HDAC9: variants seen among roughly 807,000 people sequenced by gnomAD.
HDAC9 encodes the protein histone deacetylase 9.
HDAC9 carries 41 observed loss-of-function variants against 139.4 expected under a neutral mutation model. That is an observed-to-expected ratio of 0.29 (90% CI 0.23 to 0.38). The LOEUF (loss-of-function observed/expected upper bound fraction) is 0.38. Ranked by LOEUF, HDAC9 falls within the 10% of genes least tolerant of loss-of-function variation. The pLI is 1.00. For missense variants in HDAC9, 1,147 were observed against 1,297.0 expected (o/e 0.88, Z 1.78); for synonymous variants, 517 against 476.2 (o/e 1.09, Z -1.12).
At position 18,414,712 on chromosome 7, in the gene HDAC9, A is replaced by C. The variant is rs574975881; in HGVS notation, c.-41-81550A>C. On this transcript the variant is annotated intron_variant, in intron 1 of 3. Transcript: ENST00000413509. Reference sequence around the variant, plus strand: ...ATCAATGTTTACTTCTAAATACAGAAAAACATTGTAATGGTAGGCACAAAC... The same window carrying C: ...ATCAATGTTTACTTCTAAATACAGACAAACATTGTAATGGTAGGCACAAAC... Among the ~76,000 whole-genome samples, 175 of 152,324 alleles carry C rather than the reference A, an allele frequency of 1.1e-3. 1 individual carries two copies. Among genetic ancestry groups the C allele is most frequent in the African/African-American group, 4.1e-3 (171 of 41,562 alleles).
intron 24 of HDAC9, among the ~76,000 whole-genome samples, chr7:18,975,503 GCTTA>G (rs1303272936): frequency 6.6e-6 from 1 of 152,174 alleles, no homozygotes; most frequent in East Asian, 1.9e-4. Flanking sequence ...CCCGGAGTTT[GCTTA>G]CTTAGTTGCA....
At chr7:18,271,066 T>C (rs534639965) in intron 2 of HDAC9, among the ~76,000 whole-genome samples, 1 of 152,300 alleles carries the variant, frequency 6.6e-6, no homozygotes, top group African/African-American at 2.4e-5. Flanking sequence ...GTAGAAGAAA[T>C]AATTTCTACA....
At chr7:18,518,087 TTTTA>T (rs1563123326) in intron 2 of HDAC9, 2 of 152,338 alleles carry the variant, frequency 1.3e-5, no homozygotes, top group East Asian at 3.9e-4. Flanking sequence ...TAATCACTTA[TTTTA>T]TTTGTTTTAA....
intron 21 of HDAC9, among the ~76,000 whole-genome samples, chr7:18,869,987 A>G (rs576818732): frequency 6.6e-6 from 1 of 151,944 alleles, no homozygotes; most frequent in South Asian, 2.1e-4. Context: ...AATTGCTATA[A>G]TTTTATTTAT....
chr7:18,821,167 T>A (rs1280473920), intron 17 of HDAC9, among the ~76,000 whole-genome samples: 2 of 152,256 alleles, frequency 1.3e-5, no homozygotes, highest in East Asian at 3.8e-4. Flanking sequence ...TATTTTATAA[T>A]GGCCTTATCC....
chr7:18,539,562 A>T (rs917183321), intron 2 of HDAC9, among the ~76,000 whole-genome samples: 1 of 152,256 alleles, frequency 6.6e-6, no homozygotes, highest in Non-Finnish European at 1.5e-5. Context: ...CAAATGTCTT[A>T]TGGTTATCTA....
chr7:18,506,467 A>G (rs1799794102), intron 2 of HDAC9, among the ~76,000 whole-genome samples: 1 of 152,108 alleles, frequency 6.6e-6, no homozygotes, highest in South Asian at 2.1e-4. Context: ...ACACACACAT[A>G]CTGTTTTCTT....
chr7:18,304,725 C>T (rs545599828), intron 1 of HDAC9, among the ~76,000 whole-genome samples: 1 of 152,070 alleles, frequency 6.6e-6, no homozygotes, highest in Non-Finnish European at 1.5e-5. Flanking sequence ...ATTTAAGGTC[C>T]ATACATCACT....
Position 18,971,494 on chromosome 7 carries a change from A to G in HDAC9, c.3023-4312A>G, listed in dbSNP as rs192466764. Among the ~76,000 whole-genome samples, 7 of 152,316 alleles carry G rather than the reference A, an allele frequency of 4.6e-5. No individual in the cohort carries two copies. The East Asian group carries it at 7.7e-4, about 17-fold the overall frequency. ...TGATATTATTCCTATGCCAATAGAT[A>G]TGACTTTCTTGCACATCTGTTTCTG... On this transcript the variant is annotated intron_variant, in intron 24 of 25. Coordinates refer to ENST00000686413, the MANE Select transcript of HDAC9 (RefSeq NM_178425.4).
rs1342903026 is a variant in HDAC9 at position 18,476,368 on chromosome 7, C to T, written c.-41-19894C>T. 2.6e-5 allele frequency among the ~76,000 whole-genome samples: 4 copies of T among 151,902 alleles called. No homozygotes were observed. The East Asian group carries it at 7.7e-4, about 29-fold the overall frequency. Reference sequence around the variant, plus strand: ...GACAATATCCTCATGACTTAATGACCAACAAGTTGTAAGAAACCAGATTAT... The same window carrying T: ...GACAATATCCTCATGACTTAATGACTAACAAGTTGTAAGAAACCAGATTAT... On this transcript the variant is annotated intron_variant, in intron 1 of 3. Transcript: ENST00000413509.
chr7:18,679,054 G>T (rs965390896), intron 12 of HDAC9, among the ~76,000 whole-genome samples: 5 of 151,862 alleles, frequency 3.3e-5, no homozygotes, highest in Non-Finnish European at 5.9e-5. Flanking sequence ...GGAGAGAAAG[G>T]ATTGGATTTA....
intron 17 of HDAC9, among the ~76,000 whole-genome samples, chr7:18,818,731 A>G (rs1029814098): frequency 6.6e-6 from 1 of 152,166 alleles, no homozygotes. Flanking sequence ...TACTCTCATC[A>G]GTGGAGATTT....
At chr7:18,191,573 CTGAAGGGG>C (rs1300074088) in intron 2 of HDAC9, among the ~76,000 whole-genome samples, 2 of 152,138 alleles carry the variant, frequency 1.3e-5, no homozygotes, top group African/African-American at 2.4e-5. Context: ...CAGCTAGTGA[CTGAAGGGG>C]AAGTTAATGG....
In HDAC9 at chr7:18,732,722, C is replaced by CACACGTATGTGTGCGTATGTGT; in HGVS notation, c.1909+4969_1909+4970insGTATGTGTGCGTATGTGTACAC. Among the ~76,000 whole-genome samples the CACACGTATGTGTGCGTATGTGT allele has an allele frequency of 1.6e-3, 163 of 99,712 alleles. 30 individuals carry two copies. Among genetic ancestry groups the CACACGTATGTGTGCGTATGTGT allele is most frequent in the African/African-American group, 6.0e-3 (120 of 20,042 alleles). 65.4% of individuals were successfully genotyped at this position (99,712 alleles called of 152,430 possible). On this transcript the variant is annotated intron_variant, in intron 13 of 25. Transcript: ENST00000686413. ...ACGTGTATGTGTGCGTATGTGTACA[C>CACACGTATGTGTGCGTATGTGT]ACACACACGTGTATGTGTGCGTATG...
chr7:18,530,258 G>C (rs1426726290), intron 2 of HDAC9, among the ~76,000 whole-genome samples: 1 of 152,098 alleles, frequency 6.6e-6, no homozygotes, highest in Non-Finnish European at 1.5e-5. Flanking sequence ...GTGAGATCCT[G>C]TCTTAAAACA....
At chr7:18,904,683 C>G (rs963094696) in intron 22 of HDAC9, among the ~76,000 whole-genome samples, 15 of 149,278 alleles carry the variant, frequency 1.0e-4, no homozygotes, top group Non-Finnish European at 2.1e-4. Context: ...TCACGCCATT[C>G]TCCTGCCTCA....
At chr7:18,369,585 A>C (rs1478712805) in intron 1 of HDAC9, among the ~76,000 whole-genome samples, 2 of 151,976 alleles carry the variant, frequency 1.3e-5, no homozygotes, top group East Asian at 1.9e-4. Context: ...GGCTTTATTT[A>C]ATGACTCCTT....
intron 22 of HDAC9, among the ~76,000 whole-genome samples, chr7:18,932,733 T>C (rs1445809753): frequency 1.4e-5 from 2 of 146,486 alleles, no homozygotes; most frequent in African/African-American, 5.1e-5. Flanking sequence ...TTGCCACCAA[T>C]AAAGGGAATT....
rs187306610 is a variant in HDAC9, at chr7:19,000,419, G to C, written c.*4357G>C. On this transcript the variant is annotated 3_prime_UTR_variant, in exon 26 of 26. Coordinates refer to ENST00000686413, the MANE Select transcript of HDAC9 (RefSeq NM_178425.4). ...ACGCTTCATGAAGCAGAGCATGATTGTCAAGTGACCAGAGGATGACATTTG... is the reference window on the plus strand; with the variant it reads ...ACGCTTCATGAAGCAGAGCATGATTCTCAAGTGACCAGAGGATGACATTTG... 7 of 152,190 alleles carry C rather than the reference G, an allele frequency of 4.6e-5. 1 individual carries two copies. The highest frequency in any genetic ancestry group is 1.7e-4 in the African/African-American group (7 of 41,444). The allele number at this position is 152,190 out of a possible 1,614,324, so 9.4% of individuals were successfully genotyped here.
Sources: allele counts gnomAD v4.1 joint callset (sites outside exome capture counted in the v4.1 genomes callset), GRCh38; gene constraint gnomAD v4.1.1; transcripts MANE v1.5; gene names NCBI Gene and HGNC (gene_info 2026-07-23, HGNC 2026-07-21).